ZNF678: variants seen among roughly 807,000 people sequenced by gnomAD.
ZNF678 encodes zinc finger protein 678.
Under a neutral mutation model 3.0 loss-of-function variants are expected in ZNF678, and 5 were observed. That is an observed-to-expected ratio of 1.69 (90% CI 0.88 to 3.56). The LOEUF (loss-of-function observed/expected upper bound fraction) is 3.56. Among genes scored for constraint, ZNF678 ranks in the 30% most tolerant of loss-of-function variants. The pLI, the probability that ZNF678 is intolerant of heterozygous loss-of-function variation, is 0.00. For missense variants in ZNF678, 593 were observed against 605.0 expected (o/e 0.98, Z 0.21); for synonymous variants, 218 against 199.6 (o/e 1.09, Z -0.78).
chr1:227,587,363 G>T (rs1016658772), intron 1 of ZNF678, among the ~76,000 whole-genome samples: 1 of 151,216 alleles, frequency 6.6e-6, no homozygotes, highest in Admixed American at 6.6e-5. Context: ...CAAAACAAAA[G>T]ACATACCCAG....
intron 1 of ZNF678, among the ~76,000 whole-genome samples, chr1:227,625,326 C>T (rs1016720524): frequency 6.6e-5 from 10 of 152,074 alleles, no homozygotes; most frequent in South Asian, 2.1e-4. Context: ...GGTTGGCCGA[C>T]GATCGCTCTA....
intron 3 of ZNF678, 151 bp from the exon 4 acceptor site, chr1:227,654,185 A>T: frequency 4.6e-6 from 3 of 657,862 alleles, no homozygotes; most frequent in Non-Finnish European, 4.5e-6. Context: ...TATTTTTGTT[A>T]AGTTTATATG....
chr1:227,610,593 T>C (rs1411821806), intron 1 of ZNF678, among the ~76,000 whole-genome samples: 1 of 152,174 alleles, frequency 6.6e-6, no homozygotes, highest in Non-Finnish European at 1.5e-5. Context: ...GGAGGACCCA[T>C]CATTTTTTCA....
rs764059442 is a variant in ZNF678, at chr1:227,655,337, A to G, written c.1087A>G (p.Asn363Asp). 3 of 1,610,856 alleles carry G rather than the reference A, an allele frequency of 1.9e-6. No homozygotes were observed. The East Asian group carries it at 6.7e-5, about 36-fold the overall frequency. The change falls in exon 4 of 4, where the codon AAC (asparagine) becomes GAC (aspartate). Residue 363 changes from asparagine (N) to aspartate (D), a missense_variant. Asn to Asp is a conservative substitution (Grantham distance 23, BLOSUM62 1). Coordinates refer to ENST00000343776, the MANE Select transcript of ZNF678 (RefSeq NM_001367909.1). ...TGGCAGAACCTTTACTCAATTCTCA[A>G]ACCTCACTCAGCATAAAAGAATTCA... Reference protein sequence around the residue: ...ECGRTFTQFSNLTQHKRIHTG... With the variant: ...ECGRTFTQFSDLTQHKRIHTG...
intron 1 of ZNF678, among the ~76,000 whole-genome samples, chr1:227,599,972 G>C (rs765666903): frequency 6.6e-6 from 1 of 152,084 alleles, no homozygotes; most frequent in Non-Finnish European, 1.5e-5. Flanking sequence ...TCCTTTTGCT[G>C]TCTACCCTCC....
intron 5 of ZNF678, among the ~76,000 whole-genome samples, chr1:227,672,983 G>A (rs1659625290): frequency 6.6e-6 from 1 of 152,118 alleles, no homozygotes; most frequent in South Asian, 2.1e-4. Flanking sequence ...CCATTTTTAA[G>A]CCCAGTAGGG....
At chr1:227,591,524 C>G (rs561408777) in intron 1 of ZNF678, among the ~76,000 whole-genome samples, 1 of 152,270 alleles carries the variant, frequency 6.6e-6, no homozygotes, top group South Asian at 2.1e-4. Context: ...TTAATGACAG[C>G]ACAGGCATCA....
intron 1 of ZNF678, among the ~76,000 whole-genome samples, chr1:227,564,553 A>G (rs1304873382): frequency 1.3e-5 from 2 of 152,220 alleles, no homozygotes; most frequent in Admixed American, 6.5e-5. Context: ...CTGGCCTGCA[A>G]TAAAATACTA....
At chr1:227,597,448 A>T (rs1302143975) in intron 1 of ZNF678, among the ~76,000 whole-genome samples, 1 of 152,240 alleles carries the variant, frequency 6.6e-6, no homozygotes, top group Non-Finnish European at 1.5e-5. Flanking sequence ...CCTATTCCCA[A>T]CATAAAACTT....
At chr1:227,595,854 G>A (rs1657571646) in intron 1 of ZNF678, among the ~76,000 whole-genome samples, 2 of 152,230 alleles carry the variant, frequency 1.3e-5, no homozygotes, top group South Asian at 4.1e-4. Flanking sequence ...CTCAAATGGA[G>A]TAGGCAAGTT....
chr1:227,678,483 A>G (rs1348700865), downstream of ZNF678, among the ~76,000 whole-genome samples: 1 of 152,196 alleles, frequency 6.6e-6, no homozygotes, highest in Non-Finnish European at 1.5e-5. Flanking sequence ...GAGTTCAATA[A>G]TCCTGTGGGA....
chr1:227,652,417 T>G (rs1454227730), intron 3 of ZNF678, among the ~76,000 whole-genome samples: 1 of 152,138 alleles, frequency 6.6e-6, no homozygotes, highest in Non-Finnish European at 1.5e-5. Flanking sequence ...TATTCAGTCT[T>G]TTGATTGGGA....
At chr1:227,628,247 T>G (rs10799430) in intron 1 of ZNF678, among the ~76,000 whole-genome samples, 1 of 152,068 alleles carries the variant, frequency 6.6e-6, no homozygotes, top group African/African-American at 2.4e-5. Context: ...CCATGTGTTG[T>G]AAGCTGGTCC....
chr1:227,655,910 C>A lies in ZNF678; in HGVS notation c.*82C>A. 7.6e-7 allele frequency: 1 copy of A among 1,309,212 alleles called. No individual in the cohort carries two copies. Among genetic ancestry groups the A allele is most frequent in the Non-Finnish European group, 1.0e-6 (1 of 955,834 alleles). The allele number at this position is 1,309,212 out of a possible 1,614,324, so 81.1% of individuals were successfully genotyped here. Reference sequence around the variant, plus strand: ...GCATAATGACTGTTTAAGGATGTTTCACAAAATGTAAGCTTCAGAGTGCAC... The same window carrying A: ...GCATAATGACTGTTTAAGGATGTTTAACAAAATGTAAGCTTCAGAGTGCAC... On this transcript the variant is annotated 3_prime_UTR_variant, in exon 4 of 4. Transcript: ENST00000343776.
chr1:227,648,300 G>T (rs1659006380), intron 2 of ZNF678, among the ~76,000 whole-genome samples: 1 of 151,964 alleles, frequency 6.6e-6, no homozygotes, highest in South Asian at 2.1e-4. Context: ...GCTTACTGGG[G>T]CATACACACA....
At chr1:227,606,114 G>A (rs557577433) in intron 1 of ZNF678, among the ~76,000 whole-genome samples, 3 of 152,320 alleles carry the variant, frequency 2.0e-5, no homozygotes, top group Admixed American at 1.3e-4. Context: ...AAAGTATAGA[G>A]AAAGAACAGG....
Position 227,669,522 on chromosome 1 carries a change from G to A in ZNF678, c.227-7657G>A, listed in dbSNP as rs541710547. On this transcript the variant is annotated intron_variant, in intron 5 of 5. Transcript: ENST00000608949. ...AAATTAGCCAGGTGCGGTGGCGTGCGCCTGTAGTCCCAGCTACTCAGGAGG... is the reference window on the plus strand; with the variant it reads ...AAATTAGCCAGGTGCGGTGGCGTGCACCTGTAGTCCCAGCTACTCAGGAGG... Among the ~76,000 whole-genome samples, 17 of 151,880 alleles carry A rather than the reference G, an allele frequency of 1.1e-4. 1 individual carries two copies. Among genetic ancestry groups the A allele is most frequent in the African/African-American group, 1.7e-4 (7 of 41,354 alleles).
chr1:227,598,525 A>C, intron 1 of ZNF678: 1 of 1,217,252 alleles, frequency 8.2e-7, no homozygotes, highest in Admixed American at 2.6e-5. Flanking sequence ...GCTTTTTCTC[A>C]TTTTTCACTG....
At chr1:227,610,356 T>C (rs1033112666) in intron 1 of ZNF678, among the ~76,000 whole-genome samples, 5 of 152,238 alleles carry the variant, frequency 3.3e-5, no homozygotes, top group East Asian at 1.9e-4. Context: ...CCTACATATA[T>C]AGTAGTTCAA....
Sources: gnomAD v4.1 joint callset for allele counts (sites outside exome capture counted in the v4.1 genomes callset) on GRCh38, gnomAD v4.1.1 for gene constraint, MANE v1.5 for transcripts, NCBI Gene and HGNC (gene_info 2026-07-23, HGNC 2026-07-21) for gene names.